The following MIER2 variants were observed in gnomAD, a reference collection of about 807,000 sequenced individuals.
MIER2 encodes the protein MIER family member 2.
Under a neutral mutation model 67.6 loss-of-function variants are expected in MIER2, and 30 were observed. That is an observed-to-expected ratio of 0.44 (90% CI 0.33 to 0.60). The LOEUF (loss-of-function observed/expected upper bound fraction) is 0.60, where lower values mean the gene tolerates loss of function less well. Ranked by LOEUF, MIER2 falls within the 20% of genes least tolerant of loss-of-function variation. The pLI, the probability that MIER2 is intolerant of heterozygous loss-of-function variation, is 0.02. For synonymous variants in MIER2, 372 were observed against 312.6 expected (o/e 1.19, Z -2.00); for missense variants, 702 against 745.1 (o/e 0.94, Z 0.67).
In MIER2 at chr19:320,549, C is replaced by T. The variant is rs566538519; in HGVS notation, c.655+5086G>A. 2.1e-4 allele frequency among the ~76,000 whole-genome samples: 32 copies of T among 152,300 alleles called. No homozygotes were observed. The East Asian group carries it at 4.4e-3, about 21-fold the overall frequency. ...AGCTGGCCGCACAGCAGGAGGTGAG[C>T]GGCAGGAGAGCCAGCATCACTGCCT... On this transcript the variant is annotated intron_variant, in intron 7 of 13. Coordinates refer to ENST00000264819, the MANE Select transcript of MIER2 (RefSeq NM_017550.3).
rs1041579475 is a variant in MIER2 at position 307,064 on chromosome 19, C to G, written c.1616+55G>C. 15 of 1,515,810 alleles carry G rather than the reference C, an allele frequency of 9.9e-6. No individual in the cohort carries two copies. The Admixed American group carries it at 2.0e-4, about 20-fold the overall frequency. The allele number at this position is 1,515,810 out of a possible 1,614,324, so 93.9% of individuals were successfully genotyped here. A position where few individuals can be genotyped will look rare whatever the true frequency, so the allele number is the denominator to read the frequency against. ...CACCCTCCTCTGCTCAGCCTGAGGG[C>G]TGGGGGGACCTGGTTGGAGTGTTGC... On this transcript the variant is annotated intron_variant, in intron 13 of 13. Transcript: ENST00000264819.
chr19:327,650 C>A (rs1971821594), intron 4 of MIER2, among the ~76,000 whole-genome samples: 1 of 152,244 alleles, frequency 6.6e-6, no homozygotes, highest in Non-Finnish European at 1.5e-5. Flanking sequence ...CCTCCACCCA[C>A]CAAAGCCAGA....
At chr19:326,992 C>G in intron 5 of MIER2, 141 bp downstream of exon 5, 1 of 1,206,676 alleles carries the variant, frequency 8.3e-7, no homozygotes, top group Non-Finnish European at 1.1e-6. Flanking sequence ...ACCCCCAGGG[C>G]TACTGACGCT....
chr19:316,786 C>G (rs527886623), intron 7 of MIER2, among the ~76,000 whole-genome samples: 20 of 152,030 alleles, frequency 1.3e-4, no homozygotes, highest in African/African-American at 4.8e-4. Context: ...ATAGCCAACA[C>G]AGTGACACCT....
chr19:309,008 C>T, intron 10 of MIER2, 83 bp from the exon 11 acceptor site: 1 of 1,525,748 alleles, frequency 6.6e-7, no homozygotes, highest in African/African-American at 1.4e-5. Context: ...CGTCCTGGGA[C>T]CCCGGGACAG....
At chr19:319,541 C>T (rs1174122069) in intron 7 of MIER2, among the ~76,000 whole-genome samples, 2 of 152,170 alleles carry the variant, frequency 1.3e-5, no homozygotes, top group African/African-American at 2.4e-5. Flanking sequence ...TCACTGCAAC[C>T]GCTGCCTCCC....
At chr19:315,545 TC>T (rs1971202907) in intron 7 of MIER2, among the ~76,000 whole-genome samples, 1 of 152,198 alleles carries the variant, frequency 6.6e-6, no homozygotes, top group African/African-American at 2.4e-5. Context: ...TCAAGGACCT[TC>T]CAGGACTGGA....
chr19:312,348 C>T (rs1020066894), intron 8 of MIER2, 76 bp from the exon 9 acceptor site: 20 of 1,463,218 alleles, frequency 1.4e-5, no homozygotes, highest in South Asian at 8.1e-5. Context: ...TACCATCCAG[C>T]GAGTGGCATC....
At position 306,287 on chromosome 19, in the gene MIER2, C is replaced by G; in HGVS notation, c.*403G>C. 2 of 242,102 alleles carry G rather than the reference C, an allele frequency of 8.3e-6. No individual in the cohort carries two copies. Among genetic ancestry groups the G allele is most frequent in the South Asian group, 1.6e-4 (2 of 12,586 alleles). 15.0% of individuals were successfully genotyped at this position (242,102 alleles called of 1,614,324 possible). A position where few individuals can be genotyped will look rare whatever the true frequency, so the allele number is the denominator to read the frequency against. Reference sequence around the variant, plus strand: ...GGCGCCCCGGCGGAGGCTGCTGGTGCGGGGCAGGGCGTCCTGCCCGTCTCC... The same window carrying G: ...GGCGCCCCGGCGGAGGCTGCTGGTGGGGGGCAGGGCGTCCTGCCCGTCTCC... On this transcript the variant is annotated 3_prime_UTR_variant, in exon 14 of 14. Transcript: ENST00000264819.
In MIER2 at chr19:306,594, C is replaced by G. The variant is rs1397042631; in HGVS notation, c.*96G>C. 1 of 1,504,420 alleles carries G rather than the reference C, an allele frequency of 6.6e-7. No homozygotes were observed. The highest frequency in any genetic ancestry group is 1.2e-5 in the South Asian group (1 of 82,632). 93.2% of individuals were successfully genotyped at this position (1,504,420 alleles called of 1,614,324 possible). On this transcript the variant is annotated 3_prime_UTR_variant, in exon 14 of 14. Coordinates refer to ENST00000264819, the MANE Select transcript of MIER2 (RefSeq NM_017550.3). The stretch of plus-strand genomic sequence containing the variant: ...CAGAAGGAGGTGCTACCCCAAGGCC[C>G]GGGGGGTGGGGAAGGGGTCAGGAAG...
chr19:334,296 C>A lies in MIER2; in HGVS notation c.243+104G>T. On this transcript the variant is annotated intron_variant, in intron 3 of 13. Coordinates refer to ENST00000264819, the MANE Select transcript of MIER2 (RefSeq NM_017550.3). ...ATCTGGCACTTTGCAAAAAGATGTA[C>A]AATTTAGCACTTACCAATGTGGAAT... 3.3e-6 allele frequency: 5 copies of A among 1,499,232 alleles called. No homozygotes were observed. In the South Asian group the frequency reaches 6.3e-5, roughly 19 times the overall value. 92.9% of individuals were successfully genotyped at this position (1,499,232 alleles called of 1,614,324 possible).
chr19:325,945 T>C (rs1971719965), intron 6 of MIER2, among the ~76,000 whole-genome samples: 1 of 152,200 alleles, frequency 6.6e-6, no homozygotes, highest in Non-Finnish European at 1.5e-5. Flanking sequence ...AGACAGGATG[T>C]CGGAGGACAA....
At chr19:343,263 G>C (rs1972583731) in intron 1 of MIER2, among the ~76,000 whole-genome samples, 1 of 152,164 alleles carries the variant, frequency 6.6e-6, no homozygotes, top group Non-Finnish European at 1.5e-5. Context: ...TCTGACTTGT[G>C]CCATCCCAGA....
rs1970797894 is a variant in MIER2 at position 308,992 on chromosome 19, C to G, written c.985-67G>C. The G allele has an allele frequency of 6.4e-7, 1 of 1,558,348 alleles. No homozygotes were observed. The highest frequency in any genetic ancestry group is 1.4e-5 in the African/African-American group (1 of 73,784). ...CAGCCCCAGCACCTGCACCACGATC[C>G]CAGGACGTCCTGGGACCCCGGGACA... On this transcript the variant is annotated intron_variant, in intron 10 of 13. Coordinates refer to ENST00000264819, the MANE Select transcript of MIER2 (RefSeq NM_017550.3). The surrounding 1 kb of genome is among the most constrained non-coding windows in gnomAD (Gnocchi z 9.1).
intron 12 of MIER2, 71 bp from the exon 13 acceptor site, chr19:307,607 C>T: frequency 7.1e-7 from 1 of 1,416,878 alleles, no homozygotes; most frequent in South Asian, 1.6e-5. Context: ...TCCTGCCTAA[C>T]TTTGCTGGGT....
At chr19:325,529 C>G in intron 7 of MIER2, 106 bp downstream of exon 7, 1 of 1,294,546 alleles carries the variant, frequency 7.7e-7, no homozygotes, top group Non-Finnish European at 1.1e-6. Flanking sequence ...CCCCAGTGAG[C>G]GATGCGGGGC....
At chr19:338,404 T>C (rs1972360648) in intron 1 of MIER2, among the ~76,000 whole-genome samples, 1 of 149,024 alleles carries the variant, frequency 6.7e-6, no homozygotes, top group Non-Finnish European at 1.5e-5. Context: ...ATGTGTACAG[T>C]ACTCTGAGTG....
chr19:326,935 C>A (rs942097621), intron 5 of MIER2, 198 bp downstream of exon 5: 2 of 688,720 alleles, frequency 2.9e-6, no homozygotes, highest in Admixed American at 6.7e-5. Flanking sequence ...TAAACCAAAT[C>A]GCTCTGAGAG....
At chr19:339,276 T>C (rs1379220073) in intron 1 of MIER2, among the ~76,000 whole-genome samples, 1 of 152,092 alleles carries the variant, frequency 6.6e-6, no homozygotes, top group African/African-American at 2.4e-5. Flanking sequence ...GAGAATCCCA[T>C]TGAAAAATAG....
Sources: allele counts gnomAD v4.1 joint callset (sites outside exome capture counted in the v4.1 genomes callset), GRCh38; gene constraint gnomAD v4.1.1; non-coding constraint Gnocchi (gnomAD v3.1); transcripts MANE v1.5; gene names NCBI Gene and HGNC (gene_info 2026-07-23, HGNC 2026-07-21).